PID1: variants seen among roughly 807,000 people sequenced by gnomAD.
The protein encoded by PID1 is PTB-containing, cubilin and LRP1-interacting protein.
Under a neutral mutation model 19.1 loss-of-function variants are expected in PID1, and 10 were observed. That is an observed-to-expected ratio of 0.52 (90% CI 0.32 to 0.89). The LOEUF (loss-of-function observed/expected upper bound fraction) is 0.89. Among genes scored for constraint, PID1 ranks in the 40% least tolerant of loss-of-function variants. The pLI is 0.03. For missense variants in PID1, 248 were observed against 285.3 expected (o/e 0.87, Z 0.94); for synonymous variants, 130 against 116.0 (o/e 1.12, Z -0.78).
intron 1 of PID1, among the ~76,000 whole-genome samples, chr2:229,239,162 C>T (rs1689804368): frequency 6.6e-6 from 1 of 152,110 alleles, no homozygotes; most frequent in Admixed American, 6.5e-5. Flanking sequence ...CTTGTTAAAG[C>T]ACAGATTGCT....
rs181500287 is a variant in PID1 at position 229,062,013 on chromosome 2, C to T, written c.178-35905G>A. Among the ~76,000 whole-genome samples the T allele has an allele frequency of 3.0e-3, 461 of 151,996 alleles. 10 individuals carry two copies. The highest frequency in any genetic ancestry group is 1.1e-3 in the Non-Finnish European group (73 of 67,858). On this transcript the variant is annotated intron_variant, in intron 2 of 2. Transcript: ENST00000392055. ...TTGGTGGAATTGTCAGGGTTTTATA[C>T]ATGTAAGATCATGTCATCAGCAAAC...
intron 2 of PID1, among the ~76,000 whole-genome samples, chr2:229,124,893 T>C (rs767427457): frequency 1.4e-4 from 22 of 152,220 alleles, no homozygotes; most frequent in Non-Finnish European, 3.1e-4. Context: ...CTCCCTATTC[T>C]GAGCTACAAT....
At chr2:229,222,823 C>T (rs900691904) in intron 1 of PID1, among the ~76,000 whole-genome samples, 1 of 151,656 alleles carries the variant, frequency 6.6e-6, no homozygotes, top group Non-Finnish European at 1.5e-5. Flanking sequence ...TCCAAAATCA[C>T]ATAAGCCAAT....
intron 2 of PID1, among the ~76,000 whole-genome samples, chr2:229,100,190 G>A (rs1049587324): frequency 4.6e-5 from 7 of 152,132 alleles, no homozygotes; most frequent in Admixed American, 6.5e-5. Context: ...AATTTCTATT[G>A]TTTAAGCCGC....
At chr2:229,129,464 A>T (rs1049413467) in intron 2 of PID1, among the ~76,000 whole-genome samples, 1 of 151,818 alleles carries the variant, frequency 6.6e-6, no homozygotes, top group Non-Finnish European at 1.5e-5. Context: ...CAAATTCCAT[A>T]TCAGCAATCA....
At chr2:229,083,216 A>T (rs559590613) in intron 2 of PID1, among the ~76,000 whole-genome samples, 1 of 152,288 alleles carries the variant, frequency 6.6e-6, no homozygotes, top group South Asian at 2.1e-4. Context: ...CATAAATATT[A>T]TAACTCCATC....
intron 2 of PID1, 75 bp from the exon 3 acceptor site, chr2:229,026,183 T>C: frequency 1.0e-6 from 1 of 957,478 alleles, no homozygotes; most frequent in South Asian, 1.4e-5. Context: ...AATGAGTAGC[T>C]GTTCCACACA....
At chr2:229,154,024 T>C (rs1421427147) in intron 2 of PID1, among the ~76,000 whole-genome samples, 1 of 152,198 alleles carries the variant, frequency 6.6e-6, no homozygotes, top group African/African-American at 2.4e-5. Context: ...GTATCATCAA[T>C]TCACCAAAAG....
At chr2:229,045,470 T>C (rs1178645342) in intron 2 of PID1, among the ~76,000 whole-genome samples, 1 of 152,270 alleles carries the variant, frequency 6.6e-6, no homozygotes, top group African/African-American at 2.4e-5. Flanking sequence ...TTGGTTCAAA[T>C]GAACAGGAGC....
intron 2 of PID1, among the ~76,000 whole-genome samples, chr2:229,069,729 T>C (rs1389221902): frequency 1.3e-5 from 2 of 152,194 alleles, no homozygotes; most frequent in Admixed American, 1.3e-4. Flanking sequence ...AGTAGGCACA[T>C]GTACAAACAG....
chr2:229,203,889 C>T (rs1186937588), intron 1 of PID1, among the ~76,000 whole-genome samples: 1 of 152,086 alleles, frequency 6.6e-6, no homozygotes, highest in Admixed American at 6.6e-5. Flanking sequence ...GCTGACAACT[C>T]TATGCCAAAT....
intron 2 of PID1, among the ~76,000 whole-genome samples, chr2:229,150,649 ATATGT>A (rs995547031): frequency 4.6e-5 from 7 of 152,194 alleles, no homozygotes; most frequent in African/African-American, 1.4e-4. Context: ...AATAAAAGAC[ATATGT>A]TATGTGCTAA....
chr2:229,160,148 A>C (rs979769552), intron 1 of PID1, among the ~76,000 whole-genome samples: 1 of 152,210 alleles, frequency 6.6e-6, no homozygotes, highest in Non-Finnish European at 1.5e-5. Flanking sequence ...TTTTCTGAAG[A>C]GGGCACGAGA....
intron 2 of PID1, among the ~76,000 whole-genome samples, chr2:229,034,684 A>C (rs1175248829): frequency 6.6e-6 from 1 of 152,036 alleles, no homozygotes; most frequent in Non-Finnish European, 1.5e-5. Flanking sequence ...GGGAGTGGTA[A>C]TCTGGGAACT....
intron 2 of PID1, among the ~76,000 whole-genome samples, chr2:229,078,432 T>C (rs914687287): frequency 1.3e-5 from 2 of 152,214 alleles, no homozygotes; most frequent in Non-Finnish European, 2.9e-5. Flanking sequence ...TCCAGCACTA[T>C]GTTGCATAGG....
chr2:229,240,423 C>T (rs1377328214), intron 1 of PID1, among the ~76,000 whole-genome samples: 2 of 152,028 alleles, frequency 1.3e-5, no homozygotes, highest in Non-Finnish European at 2.9e-5. Flanking sequence ...TCAGAGGTTC[C>T]CAAACCAAGT....
chr2:229,231,775 G>C (rs1240930740), intron 1 of PID1: 86 of 1,308,604 alleles, frequency 6.6e-5, no homozygotes, highest in Non-Finnish European at 8.1e-5. Flanking sequence ...CCATGGATGT[G>C]TCTCAATAGT....
Position 229,025,918 on chromosome 2 carries a change from A to G in PID1, c.368T>C (p.Val123Ala), listed in dbSNP as rs1212780806. 5 of 1,614,140 alleles carry G rather than the reference A, an allele frequency of 3.1e-6. No individual in the cohort carries two copies. The highest frequency in any genetic ancestry group is 1.3e-5 in the African/African-American group (1 of 75,046). The part of the protein sequence containing the change: ...HHLDHKGEAT[V>A]HMDTFQVARI... ...GGCCACCTGGAAGGTATCCATGTGC[A>G]CTGTGGCCTCCCCTTTGTGGTCGAG... The change falls in exon 3 of 3, where the codon GTG becomes GCG. Residue 123 changes from valine (V) to alanine (A), a missense_variant. By Grantham distance (64) the Val-to-Ala change is moderately conservative (BLOSUM62 0). Transcript: ENST00000392055.
At chr2:229,259,661 T>C (rs1055877356) in intron 1 of PID1, among the ~76,000 whole-genome samples, 3 of 152,242 alleles carry the variant, frequency 2.0e-5, no homozygotes, top group African/African-American at 7.2e-5. Context: ...ATTTTGTATA[T>C]GAATATCCAA....
Sources: gnomAD v4.1 joint callset for allele counts (sites outside exome capture counted in the v4.1 genomes callset) on GRCh38, gnomAD v4.1.1 for gene constraint, MANE v1.5 for transcripts, NCBI Gene and HGNC (gene_info 2026-07-23, HGNC 2026-07-21) for gene names.